The following ANKRD12 variants were observed in gnomAD, a reference collection of about 807,000 sequenced individuals.
ANKRD12 encodes the protein ankyrin repeat domain 12.
A neutral mutation model predicts 183.4 loss-of-function variants in ANKRD12; 85 were observed. The ratio of observed to expected loss-of-function variants is 0.46; its 90% CI spans 0.39 to 0.56. The LOEUF is 0.56. ANKRD12 is among the 20% of genes least tolerant of loss of function. ANKRD12 has a pLI of 0.00. For synonymous variants in ANKRD12, 914 were observed against 800.2 expected (o/e 1.14, Z -2.40); for missense variants, 2,405 against 2,357.1 (o/e 1.02, Z -0.42).
chr18:9,275,495 TA>T (rs1424619192), intron 10 of ANKRD12, 28 bp from the exon 11 acceptor site: 19 of 1,588,998 alleles, frequency 1.2e-5, no homozygotes, highest in Non-Finnish European at 1.5e-5. Context: ...TTGAAGAATT[TA>T]TTTTTTTTTA....
At chr18:9,236,779 C>T (rs1439847675) in intron 8 of ANKRD12, among the ~76,000 whole-genome samples, 2 of 152,116 alleles carry the variant, frequency 1.3e-5, no homozygotes, top group Non-Finnish European at 2.9e-5. Context: ...TTTTGAAGTT[C>T]ACTGAGCTTC....
intron 2 of ANKRD12, among the ~76,000 whole-genome samples, chr18:9,185,451 T>C (rs575641666): frequency 6.6e-6 from 1 of 152,210 alleles, no homozygotes; most frequent in Non-Finnish European, 1.5e-5. Flanking sequence ...AGGTTAATGA[T>C]TGGGCCATTT....
intron 1 of ANKRD12, among the ~76,000 whole-genome samples, chr18:9,157,550 G>GT (rs1555707776): frequency 2.6e-5 from 3 of 114,598 alleles, no homozygotes; most frequent in Admixed American, 9.2e-5. Context: ...GGTGTGTGTG[G>GT]GTGTGTGTGT....
Position 9,257,001 on chromosome 18 carries a change from C to G in ANKRD12, c.3734C>G (p.Ser1245Cys). The G allele has an allele frequency of 6.2e-7, 1 of 1,614,098 alleles. No individual in the cohort carries two copies. Among genetic ancestry groups the G allele is most frequent in the Non-Finnish European group, 8.5e-7 (1 of 1,179,986 alleles). ...LESSESQMSFSQSPFLSIAKS... is the reference protein window; with the variant it reads ...LESSESQMSFCQSPFLSIAKS... ...AGTTCAGAATCCCAAATGTCCTTTT[C>G]CCAGTCACCTTTTTTGTCAATTGCC... Residue 1245 changes from serine (S) to cysteine (C), a missense_variant, in exon 9 of 13, where the codon TCC (serine) becomes TGC (cysteine). Physicochemically the swap from Ser to Cys is moderately radical, Grantham distance 112. This residue lies in a region of ANKRD12 where 1,983 missense variants were observed against 1,725.9 expected (regional missense o/e 1.15). Coordinates refer to ENST00000262126, the MANE Select transcript of ANKRD12 (RefSeq NM_015208.5).
chr18:9,266,439 A>G lies in ANKRD12; in HGVS notation c.5763+2551A>G, dbSNP rs534650222. On this transcript the variant is annotated intron_variant, in intron 10 of 12. Coordinates refer to ENST00000262126, the MANE Select transcript of ANKRD12 (RefSeq NM_015208.5). Reference sequence around the variant, plus strand: ...TCTCTCAGCAGAAACTCTACAAGCCAGAAGAGAGTGGGGACCAATATTCAA... The same window carrying G: ...TCTCTCAGCAGAAACTCTACAAGCCGGAAGAGAGTGGGGACCAATATTCAA... 7.7e-3 allele frequency among the ~76,000 whole-genome samples: 1,166 copies of G among 152,378 alleles called. 22 individuals are homozygous for G. The highest frequency in any genetic ancestry group is 0.026 in the African/African-American group (1,093 of 41,590).
intron 5 of ANKRD12, among the ~76,000 whole-genome samples, chr18:9,210,717 C>T (rs1324432634): frequency 6.0e-3 from 55 of 9,176 alleles, no homozygotes; most frequent in African/African-American, 0.014. Flanking sequence ...CAGAGTGAGA[C>T]TCTGTCTCAA....
At chr18:9,273,673 AGT>A (rs755341152) in intron 10 of ANKRD12, among the ~76,000 whole-genome samples, 4 of 152,300 alleles carry the variant, frequency 2.6e-5, no homozygotes, top group Non-Finnish European at 5.9e-5. Flanking sequence ...CAAAAACTTG[AGT>A]GTGAACGTTT....
chr18:9,257,837 CAAA>C lies in ANKRD12; in HGVS notation c.4575_4577del (p.Lys1525del), dbSNP rs768306357. 3 of 1,611,008 alleles carry C rather than the reference CAAA, an allele frequency of 1.9e-6. No individual in the cohort carries two copies. The highest frequency in any genetic ancestry group is 1.3e-5 in the African/African-American group (1 of 74,686). ...TAATCAAGAGCCAGGTATTTTACAACAAAAAAATGCAGTTCAGATTATTAGTTC... is the reference window on the plus strand; with the variant it reads ...TAATCAAGAGCCAGGTATTTTACAACAAAATGCAGTTCAGATTATTAGTTC... On this transcript the variant is annotated inframe_deletion, in exon 9 of 13. Transcript: ENST00000262126.
chr18:9,216,675 T>A, intron 6 of ANKRD12, 83 bp from the exon 7 acceptor site: 3 of 1,370,624 alleles, frequency 2.2e-6, no homozygotes, highest in Non-Finnish European at 3.0e-6. Context: ...AGAATTTATA[T>A]GTCACACATT....
At chr18:9,166,687 A>G (rs1274851252) in intron 1 of ANKRD12, among the ~76,000 whole-genome samples, 17 of 151,820 alleles carry the variant, frequency 1.1e-4, no homozygotes, top group Middle Eastern at 3.2e-3. Context: ...CTCTGATGGT[A>G]GTTTCTTTTG....
intron 8 of ANKRD12, among the ~76,000 whole-genome samples, chr18:9,248,833 A>G (rs1463222933): frequency 6.6e-6 from 1 of 152,218 alleles, no homozygotes; most frequent in Non-Finnish European, 1.5e-5. Context: ...GGCAGTTAGT[A>G]TGGGAAGTCA....
chr18:9,152,543 A>T (rs1343271320), intron 1 of ANKRD12, among the ~76,000 whole-genome samples: 6 of 150,716 alleles, frequency 4.0e-5, no homozygotes, highest in African/African-American at 7.3e-5. Context: ...TTTTTTTTTT[A>T]AAGTATATTG....
At chr18:9,268,976 T>C (rs1190490536) in intron 10 of ANKRD12, among the ~76,000 whole-genome samples, 2 of 152,020 alleles carry the variant, frequency 1.3e-5, no homozygotes, top group East Asian at 3.9e-4. Flanking sequence ...TATACACCAA[T>C]AACAGACAAA....
intron 9 of ANKRD12, among the ~76,000 whole-genome samples, chr18:9,260,791 T>C (rs576813566): frequency 6.6e-6 from 1 of 152,360 alleles, no homozygotes; most frequent in Admixed American, 6.5e-5. Context: ...CCCTTTCTTC[T>C]GTATGTGATC....
At position 9,193,173 on chromosome 18, in the gene ANKRD12, T is replaced by A. The variant is rs575607480; in HGVS notation, c.88-2378T>A. ...TTTTTTTGGATACAGGATCTCACTC[T>A]GTTGTCCAGCCTGGAGCACAGTGGC... On this transcript the variant is annotated intron_variant, in intron 2 of 12. Coordinates refer to ENST00000262126, the MANE Select transcript of ANKRD12 (RefSeq NM_015208.5). 6.7e-5 allele frequency among the ~76,000 whole-genome samples: 10 copies of A among 150,262 alleles called. No homozygotes were observed. In the East Asian group the frequency reaches 2.0e-3, roughly 30 times the overall value.
intron 1 of ANKRD12, among the ~76,000 whole-genome samples, chr18:9,169,612 A>C (rs927379849): frequency 2.6e-5 from 4 of 152,038 alleles, no homozygotes; most frequent in Non-Finnish European, 5.9e-5. Flanking sequence ...GTTTCTCTGC[A>C]TGTGAGATGG....
chr18:9,247,678 T>C lies in ANKRD12; in HGVS notation c.944-6533T>C, dbSNP rs560494337. 3.9e-5 allele frequency among the ~76,000 whole-genome samples: 6 copies of C among 152,286 alleles called. No homozygotes were observed. The South Asian group carries it at 1.2e-3, about 32-fold the overall frequency. On this transcript the variant is annotated intron_variant, in intron 8 of 12. Transcript: ENST00000262126. Reference sequence around the variant, plus strand: ...CTATAGATATTCCCCCTCCTTTCTTTCCTATGTTCTTGGAATTTTCTGTTG... The same window carrying C: ...CTATAGATATTCCCCCTCCTTTCTTCCCTATGTTCTTGGAATTTTCTGTTG...
chr18:9,234,890 A>G (rs1202535597), intron 8 of ANKRD12, among the ~76,000 whole-genome samples: 4 of 152,078 alleles, frequency 2.6e-5, no homozygotes, highest in Admixed American at 6.5e-5. Context: ...GTGGACTACT[A>G]AAGTTCTCAC....
rs1567903991 is a variant in ANKRD12, at chr18:9,196,150, C to CACACAT, written c.235+453_235+454insCACATA. 8.2e-4 allele frequency among the ~76,000 whole-genome samples: 108 copies of CACACAT among 131,200 alleles called. 1 individual carries two copies. The highest frequency in any genetic ancestry group is 3.1e-3 in the African/African-American group (101 of 32,262). 86.1% of individuals were successfully genotyped at this position (131,200 alleles called of 152,430 possible). Reference sequence around the variant, plus strand: ...ACACACACACACACACACACACACACATTGAGGCTAACTGCCTCAGTGCTT... The same window carrying CACACAT: ...ACACACACACACACACACACACACACACACATATTGAGGCTAACTGCCTCAGTGCTT... On this transcript the variant is annotated intron_variant, in intron 3 of 12. Coordinates refer to ENST00000262126, the MANE Select transcript of ANKRD12 (RefSeq NM_015208.5).
Sources: allele counts gnomAD v4.1 joint callset (sites outside exome capture counted in the v4.1 genomes callset), GRCh38; gene constraint gnomAD v4.1.1; regional missense constraint gnomAD v4.1.1; transcripts MANE v1.5; gene names NCBI Gene and HGNC (gene_info 2026-07-23, HGNC 2026-07-21).